Variants in TCF20 observed in about 807,000 individuals in gnomAD.
TCF20 encodes transcription factor 20, also known as SPRE-binding protein.
In TCF20, 3 loss-of-function variants were observed where a neutral mutation model predicts 148.6. That is an observed-to-expected ratio of 0.02 (90% CI 0.01 to 0.05). The LOEUF is 0.05. Among genes scored for constraint, TCF20 ranks in the 10% least tolerant of loss-of-function variants. The pLI, the probability that TCF20 is intolerant of heterozygous loss-of-function variation, is 1.00. For synonymous variants in TCF20, 1,049 were observed against 909.5 expected, an observed-to-expected ratio of 1.15 and a Z score of -2.76; for missense variants, 2,350 against 2,429.3, an observed-to-expected ratio of 0.97 and a Z score of 0.69.
Position 42,338,711 on chromosome 22 carries a change from G to A in TCF20, c.-37+4768C>T, listed in dbSNP as rs185639319. ...GGACGGGCTGGGCACGGCACGAGGC[G>A]GCAACAATAGGCACCTCTTCATCAT... On this transcript the variant is annotated intron_variant, in intron 1 of 1. Coordinates refer to the TCF20 transcript ENST00000515426. The surrounding 1 kb of genome is among the most constrained non-coding windows in gnomAD (Gnocchi z 4.0). Among the ~76,000 whole-genome samples, 562 of 152,346 alleles carry A rather than the reference G, an allele frequency of 3.7e-3. 1 individual carries two copies. Among genetic ancestry groups the A allele is most frequent in the African/African-American group, 0.013 (537 of 41,578 alleles).
rs1257652852 is a variant in TCF20, at chr22:42,178,806, C to T, written c.5749+803G>A. 2.0e-5 allele frequency among the ~76,000 whole-genome samples: 3 copies of T among 151,422 alleles called. No individual in the cohort carries two copies. The East Asian group carries it at 5.8e-4, about 29-fold the overall frequency. On this transcript the variant is annotated intron_variant, in intron 3 of 5. Transcript: ENST00000677622. ...TTTTAGCCAGGCTGGTCTTGAACTC[C>T]TGACCCCATGATCCACCCGCCCGGC...
At chr22:42,203,667 G>C (rs966108810) in intron 2 of TCF20, among the ~76,000 whole-genome samples, 1 of 152,140 alleles carries the variant, frequency 6.6e-6, no homozygotes, top group African/African-American at 2.4e-5. Flanking sequence ...GAAAGCCATG[G>C]GAACAGGGCG....
intron 1 of TCF20, among the ~76,000 whole-genome samples, 105 bp downstream of exon 1, chr22:42,270,234 C>G (rs1926529244): frequency 6.6e-6 from 1 of 151,716 alleles, no homozygotes. Context: ...AGGTTGGGTC[C>G]GGCCGGGACC....
intron 5 of TCF20, 104 bp downstream of exon 5, chr22:42,168,504 AG>A (rs1935923284): frequency 6.9e-7 from 1 of 1,441,598 alleles, no homozygotes; most frequent in Non-Finnish European, 9.3e-7. Flanking sequence ...TGTCATCCAC[AG>A]GATGAAATGC....
chr22:42,302,707 C>A (rs899430185), intron 1 of TCF20, among the ~76,000 whole-genome samples: 1 of 152,170 alleles, frequency 6.6e-6, no homozygotes, highest in Non-Finnish European at 1.5e-5. Flanking sequence ...CCCTGCCCTG[C>A]AGGACTTATC....
intron 1 of TCF20, among the ~76,000 whole-genome samples, chr22:42,216,839 C>CA (rs972229791): frequency 7.9e-5 from 12 of 152,156 alleles, no homozygotes; most frequent in Admixed American, 6.5e-4. Context: ...CCCTCTTAAT[C>CA]AATCAAGCTG....
chr22:42,171,755 T>A (rs1279498531), intron 3 of TCF20, among the ~76,000 whole-genome samples: 1 of 152,224 alleles, frequency 6.6e-6, no homozygotes, highest in African/African-American at 2.4e-5. Flanking sequence ...TTACCTGGGC[T>A]CTGGCAGCAA....
intron 1 of TCF20, among the ~76,000 whole-genome samples, chr22:42,217,386 G>A (rs2147233603): frequency 6.6e-6 from 1 of 152,262 alleles, no homozygotes; most frequent in Middle Eastern, 3.4e-3. Flanking sequence ...AAAACAGCCA[G>A]CTCCACACCT....
intron 5 of TCF20, among the ~76,000 whole-genome samples, chr22:42,167,809 T>A (rs1935880799): frequency 6.6e-6 from 1 of 151,674 alleles, no homozygotes; most frequent in Non-Finnish European, 1.5e-5. Flanking sequence ...AGCCTCAACC[T>A]CCAGGTTTGA....
intron 1 of TCF20, among the ~76,000 whole-genome samples, chr22:42,339,801 C>G (rs545937020): frequency 6.6e-6 from 1 of 152,210 alleles, no homozygotes; most frequent in Non-Finnish European, 1.5e-5. Context: ...CAGGTGCTCA[C>G]GGGGCCAGCC....
intron 1 of TCF20, among the ~76,000 whole-genome samples, chr22:42,325,735 C>T (rs2147054589): frequency 6.6e-6 from 1 of 152,310 alleles, no homozygotes; most frequent in South Asian, 2.1e-4. Context: ...AGGGAACCAT[C>T]ACCTGCCAGA....
At chr22:42,167,771 A>G (rs1935877909) in intron 5 of TCF20, among the ~76,000 whole-genome samples, 1 of 152,070 alleles carries the variant, frequency 6.6e-6, no homozygotes, top group African/African-American at 2.4e-5. Context: ...CCAGGCTGGA[A>G]TGTAGCGGCA....
At chr22:42,309,059 G>T (rs902043130) in intron 1 of TCF20, among the ~76,000 whole-genome samples, 3 of 152,150 alleles carry the variant, frequency 2.0e-5, no homozygotes, top group African/African-American at 4.8e-5. Context: ...ACCCTGGCGG[G>T]GGAGGCTGAG....
intron 1 of TCF20, among the ~76,000 whole-genome samples, chr22:42,333,410 G>A (rs905632322): frequency 2.6e-5 from 4 of 151,382 alleles, no homozygotes; most frequent in African/African-American, 4.9e-5. Context: ...GAGCTGTCTC[G>A]CTGTGCAGAG....
At chr22:42,306,921 C>T (rs543545058) in intron 1 of TCF20, among the ~76,000 whole-genome samples, 113 of 152,000 alleles carry the variant, frequency 7.4e-4, no homozygotes, top group African/African-American at 2.7e-3. Context: ...CTCCTGTAAT[C>T]CCAGCTACTC....
intron 5 of TCF20, among the ~76,000 whole-genome samples, chr22:42,162,670 C>A (rs957817788): frequency 1.3e-5 from 2 of 152,238 alleles, no homozygotes; most frequent in Non-Finnish European, 2.9e-5. Flanking sequence ...TTAAGACTGT[C>A]ACTGGGGCTC....
chr22:42,249,495 C>A (rs921548386), intron 1 of TCF20, among the ~76,000 whole-genome samples: 5 of 152,228 alleles, frequency 3.3e-5, no homozygotes, highest in African/African-American at 9.6e-5. Flanking sequence ...ACTCTTCCCT[C>A]GCAAAAAGGC....
At chr22:42,179,028 G>A (rs1270434259) in intron 3 of TCF20, among the ~76,000 whole-genome samples, 2 of 149,022 alleles carry the variant, frequency 1.3e-5, no homozygotes, top group Admixed American at 6.7e-5. Context: ...CCACTGGGCT[G>A]GCTACAATTA....
intron 1 of TCF20, among the ~76,000 whole-genome samples, chr22:42,231,983 A>G (rs1029934317): frequency 6.6e-6 from 1 of 152,172 alleles, no homozygotes; most frequent in African/African-American, 2.4e-5. Flanking sequence ...TCAAAACAAG[A>G]AAACTTTAAA....
Sources: allele counts gnomAD v4.1 joint callset (sites outside exome capture counted in the v4.1 genomes callset), GRCh38; gene constraint gnomAD v4.1.1; non-coding constraint Gnocchi (gnomAD v3.1); transcripts MANE v1.5; gene names NCBI Gene and HGNC (gene_info 2026-07-23, HGNC 2026-07-21).